CDC27: variants seen among roughly 807,000 people sequenced by gnomAD.
CDC27 encodes the protein cell division cycle protein 27 homolog.
CDC27 carries 27 observed loss-of-function variants against 109.7 expected under a neutral mutation model. That is an observed-to-expected ratio of 0.25 (90% CI 0.18 to 0.34). The LOEUF (loss-of-function observed/expected upper bound fraction) is 0.34. CDC27 is among the 10% of genes least tolerant of loss of function. The pLI is 1.00. For missense variants in CDC27, 579 were observed against 960.2 expected (o/e 0.60, Z 5.25); for synonymous variants, 266 against 333.9 (o/e 0.80, Z 2.22).
At chr17:47,135,816 G>GA (rs1445139818) in intron 14 of CDC27, among the ~76,000 whole-genome samples, 1 of 151,958 alleles carries the variant, frequency 6.6e-6, no homozygotes, top group Non-Finnish European at 1.5e-5. Context: ...CCAGACTTGG[G>GA]AAAAAATCAA....
At chr17:47,139,065 T>C (rs919627349) in intron 12 of CDC27, among the ~76,000 whole-genome samples, 174 bp from the exon 13 acceptor site, 4 of 152,264 alleles carry the variant, frequency 2.6e-5, no homozygotes, top group East Asian at 1.9e-4. Flanking sequence ...GCAGGTCAAA[T>C]AGTGATGTAA....
intron 1 of CDC27, among the ~76,000 whole-genome samples, chr17:47,188,533 C>G (rs1271678704): frequency 6.6e-6 from 1 of 152,048 alleles, no homozygotes; most frequent in African/African-American, 2.4e-5. Context: ...CTTTCCACCT[C>G]CTCCCCTGGT....
chr17:47,152,376 G>A (rs1465688164), intron 8 of CDC27, among the ~76,000 whole-genome samples: 3 of 151,964 alleles, frequency 2.0e-5, no homozygotes, highest in African/African-American at 4.8e-5. Flanking sequence ...AGTTCTAAAG[G>A]AGTTCAGAGG....
At chr17:47,182,104 T>C (rs1448455671) in intron 1 of CDC27, among the ~76,000 whole-genome samples, 1 of 152,182 alleles carries the variant, frequency 6.6e-6, no homozygotes, top group Admixed American at 6.5e-5. Flanking sequence ...GCAGCAGTGG[T>C]TCTCAACCAC....
At chr17:47,160,358 G>C (rs1315715702) in intron 4 of CDC27, among the ~76,000 whole-genome samples, 1 of 151,760 alleles carries the variant, frequency 6.6e-6, no homozygotes, top group Non-Finnish European at 1.5e-5. Flanking sequence ...CTCCCGAGTA[G>C]CTGGGATTAC....
chr17:47,172,901 G>A (rs961764937), intron 2 of CDC27, among the ~76,000 whole-genome samples: 3 of 152,210 alleles, frequency 2.0e-5, no homozygotes, highest in Non-Finnish European at 4.4e-5. Flanking sequence ...TAATACCAGT[G>A]AGCTGAAGGA....
chr17:47,142,299 G>A lies in CDC27; in HGVS notation c.1308C>T (p.Ile436=), dbSNP rs1555787833. Reference sequence around the variant, plus strand: ...TTGTGGATATTTTCCCTTCTGAAATGATGGAAGAGTCCAATTTTGTAATTT... The same window carrying A: ...TTGTGGATATTTTCCCTTCTGAAATAATGGAAGAGTCCAATTTTGTAATTT... ...SLEITKLDSS[I]ISEGKISTIT... Residue 436 remains isoleucine, a synonymous_variant, in exon 11 of 19, where the codon ATC becomes ATT. Coordinates refer to ENST00000066544, the MANE Select transcript of CDC27 (RefSeq NM_001256.6). 6.3e-7 allele frequency: 1 copy of A among 1,597,348 alleles called. No individual in the cohort carries two copies.
chr17:47,119,864 C>G lies in CDC27; in HGVS notation c.*1071G>C, dbSNP rs1250778734. ...TTAGTAAATGTTTTGGTGACTCACA[C>G]TACTGAAAAAATCTGAAGCAGAGAG... On this transcript the variant is annotated 3_prime_UTR_variant, in exon 19 of 19. Transcript: ENST00000066544. 6.6e-6 allele frequency: 1 copy of G among 152,136 alleles called. No homozygotes were observed. Among genetic ancestry groups the G allele is most frequent in the Non-Finnish European group, 1.5e-5 (1 of 68,014 alleles). 9.4% of individuals were successfully genotyped at this position (152,136 alleles called of 1,614,324 possible).
chr17:47,147,651 C>T (rs1234765609), intron 9 of CDC27, among the ~76,000 whole-genome samples: 3 of 151,872 alleles, frequency 2.0e-5, no homozygotes, highest in Non-Finnish European at 4.4e-5. Context: ...GCCAGGACTG[C>T]TTCAGGCCCG....
chr17:47,163,622 C>T (rs2063559447), intron 4 of CDC27, among the ~76,000 whole-genome samples: 1 of 152,202 alleles, frequency 6.6e-6, no homozygotes, highest in South Asian at 2.1e-4. Context: ...TATATGTATA[C>T]ATACACACAC....
intron 18 of CDC27, 125 bp downstream of exon 18, chr17:47,122,319 C>A: frequency 1.7e-6 from 1 of 583,324 alleles, no homozygotes; most frequent in East Asian, 2.9e-5. Context: ...TGTTCAATTT[C>A]CCTAAAAGTC....
intron 9 of CDC27, among the ~76,000 whole-genome samples, chr17:47,145,062 TAGAA>T (rs1458159908): frequency 3.3e-5 from 5 of 152,128 alleles, no homozygotes; most frequent in African/African-American, 1.2e-4. Flanking sequence ...ACTTTCTAAA[TAGAA>T]AGAACAGACT....
intron 9 of CDC27, among the ~76,000 whole-genome samples, chr17:47,146,742 G>A (rs2062970709): frequency 6.6e-6 from 1 of 152,086 alleles, no homozygotes; most frequent in Non-Finnish European, 1.5e-5. Context: ...AATACCTAAA[G>A]GAATGCAAAA....
At chr17:47,189,120 G>A in intron 1 of CDC27, 26 bp downstream of exon 1, 1 of 1,610,888 alleles carries the variant, frequency 6.2e-7, no homozygotes, top group Non-Finnish European at 8.5e-7. Flanking sequence ...TGCCAGCCAA[G>A]CCCCAGAGAA....
chr17:47,175,078 GAAGGAAGGAAGGAAGGAAGT>G (rs774265234), intron 2 of CDC27, among the ~76,000 whole-genome samples: 9,305 of 139,944 alleles, frequency 0.066, 397 homozygotes, highest in African/African-American at 0.099. Context: ...AGGAAGGAAG[GAAGGAAGGAAGGAAGGAAGT>G]AAGTTGTAGC....
intron 4 of CDC27, chr17:47,161,265 T>C (rs2063490096): frequency 6.6e-6 from 1 of 151,714 alleles, no homozygotes; most frequent in South Asian, 2.1e-4. Context: ...ATTACAGGTG[T>C]GAGCCACCAC....
In CDC27 at chr17:47,128,742, C is replaced by T. The variant is rs145925799; in HGVS notation, c.2160+651G>A. ...AAAAGCTGAATAATGCACACACATT[C>T]GTTTTCTTTTTCTGTTTTTTAATTT... On this transcript the variant is annotated intron_variant, in intron 16 of 18. Transcript: ENST00000066544. Among the ~76,000 whole-genome samples the T allele has an allele frequency of 3.2e-3, 483 of 151,222 alleles. 1 individual carries two copies. Among genetic ancestry groups the T allele is most frequent in the Middle Eastern group, 6.9e-3 (2 of 290 alleles).
At chr17:47,158,069 T>C in intron 5 of CDC27, 137 bp downstream of exon 5, 1 of 416,954 alleles carries the variant, frequency 2.4e-6, no homozygotes, top group East Asian at 3.6e-5. Flanking sequence ...TTCTAACTTA[T>C]TTTTTATTCT....
intron 4 of CDC27, among the ~76,000 whole-genome samples, chr17:47,166,090 A>AT (rs978114521): frequency 1.3e-5 from 2 of 151,910 alleles, no homozygotes; most frequent in African/African-American, 2.4e-5. Flanking sequence ...TGATTTCCTA[A>AT]TTTTTTTTGA....
Sources: gnomAD v4.1 joint callset for allele counts (sites outside exome capture counted in the v4.1 genomes callset) on GRCh38, gnomAD v4.1.1 for gene constraint, MANE v1.5 for transcripts, NCBI Gene and HGNC (gene_info 2026-07-23, HGNC 2026-07-21) for gene names.